Variants in CCDC91 observed in about 807,000 individuals in gnomAD.
The protein encoded by CCDC91 is coiled-coil domain-containing protein 91.
Under a neutral mutation model 63.2 loss-of-function variants are expected in CCDC91, and 48 were observed. The observed-to-expected ratio is 0.76, with a 90% confidence interval of 0.60 to 0.97. CCDC91 has a LOEUF of 0.97. CCDC91 is among the 50% of genes least tolerant of loss of function. CCDC91 has a pLI of 0.00. For missense variants in CCDC91, 500 were observed against 494.6 expected (o/e 1.01, Z -0.10); for synonymous variants, 167 against 165.8 (o/e 1.01, Z -0.06).
chr12:28,325,772 G>T (rs1940934041), intron 6 of CCDC91, among the ~76,000 whole-genome samples: 2 of 151,808 alleles, frequency 1.3e-5, no homozygotes, highest in South Asian at 4.1e-4. Flanking sequence ...ATAATGGGAG[G>T]TGAAGTTATT....
intron 1 of CCDC91, among the ~76,000 whole-genome samples, chr12:28,218,739 A>G (rs10771411): frequency 0.26 from 39,461 of 149,940 alleles, 5,387 homozygotes; most frequent in Non-Finnish European, 0.31. Context: ...GTATGTATGT[A>G]TGTGTGTGTG....
intron 3 of CCDC91, among the ~76,000 whole-genome samples, chr12:28,281,466 C>A (rs1423210455): frequency 6.6e-6 from 1 of 152,054 alleles, no homozygotes; most frequent in Non-Finnish European, 1.5e-5. Context: ...TTGAATCAGG[C>A]CATAATTATC....
intron 8 of CCDC91, among the ~76,000 whole-genome samples, chr12:28,432,901 G>A (rs1260869206): frequency 1.3e-5 from 2 of 152,060 alleles, no homozygotes; most frequent in African/African-American, 4.8e-5. Flanking sequence ...TCAAATGCTG[G>A]ATTTTGGCCA....
chr12:28,304,410 AAAAAAGAAAAAAAG>A (rs1938473371), intron 3 of CCDC91, among the ~76,000 whole-genome samples: 5 of 134,742 alleles, frequency 3.7e-5, no homozygotes, highest in Non-Finnish European at 8.3e-5. Flanking sequence ...AAGAAAAAAA[AAAAAAGAAAAAAAG>A]AAATGCCTAT....
chr12:28,363,876 G>GAAAAAA (rs34997286), intron 7 of CCDC91, among the ~76,000 whole-genome samples: 99 of 52,464 alleles, frequency 1.9e-3, no homozygotes, highest in South Asian at 5.2e-3. Context: ...GGCTCCATCT[G>GAAAAAA]AAAAAAAAAA....
intron 12 of CCDC91, among the ~76,000 whole-genome samples, chr12:28,537,753 G>A (rs1014028591): frequency 1.3e-5 from 2 of 152,162 alleles, no homozygotes; most frequent in African/African-American, 4.8e-5. Context: ...AAAGATATTT[G>A]TGATGACTGG....
chr12:28,474,436 T>TA (rs1950977003), intron 11 of CCDC91, among the ~76,000 whole-genome samples: 1 of 152,080 alleles, frequency 6.6e-6, no homozygotes, highest in Admixed American at 6.6e-5. Flanking sequence ...TATTCTAATC[T>TA]AGTGGATTGT....
chr12:28,254,188 A>G lies in CCDC91; in HGVS notation c.-14-3014A>G, dbSNP rs1946295594. Reference sequence around the variant, plus strand: ...GCAAAAAAAGAGATTAAATTTAGATATAAAGAAGTTTGAGAATTGTTAGAC... The same window carrying G: ...GCAAAAAAAGAGATTAAATTTAGATGTAAAGAAGTTTGAGAATTGTTAGAC... On this transcript the variant is annotated intron_variant, in intron 1 of 12. Coordinates refer to ENST00000536442, the MANE Select transcript of CCDC91 (RefSeq NM_018318.5). 2.0e-5 allele frequency among the ~76,000 whole-genome samples: 3 copies of G among 152,366 alleles called. No individual in the cohort carries two copies. The South Asian group carries it at 6.2e-4, about 32-fold the overall frequency.
chr12:28,364,336 C>A (rs548903525), intron 7 of CCDC91, among the ~76,000 whole-genome samples: 1 of 151,876 alleles, frequency 6.6e-6, no homozygotes, highest in East Asian at 1.9e-4. Context: ...TGCAGTGAGC[C>A]GAGATTGCGC....
intron 12 of CCDC91, among the ~76,000 whole-genome samples, chr12:28,530,529 C>A (rs1328985228): frequency 6.6e-6 from 1 of 152,130 alleles, no homozygotes; most frequent in African/African-American, 2.4e-5. Context: ...TTATTTTATA[C>A]CATTGAGTTT....
intron 8 of CCDC91, among the ~76,000 whole-genome samples, chr12:28,400,353 C>T (rs968166468): frequency 7.0e-6 from 1 of 143,040 alleles, no homozygotes. Context: ...CCCCCACCCC[C>T]ACCCCCACCC....
chr12:28,535,407 C>T (rs1357108642), intron 12 of CCDC91, among the ~76,000 whole-genome samples: 4 of 152,088 alleles, frequency 2.6e-5, no homozygotes, highest in Admixed American at 1.3e-4. Context: ...CCTTGCACAA[C>T]GCCATTTATT....
chr12:28,194,330 G>A (rs193019434), intron 1 of CCDC91, among the ~76,000 whole-genome samples: 1 of 152,214 alleles, frequency 6.6e-6, no homozygotes, highest in Admixed American at 6.5e-5. Context: ...TATTCTTACT[G>A]TGTCCAGAAT....
chr12:28,416,950 A>C (rs1351306023), intron 8 of CCDC91, among the ~76,000 whole-genome samples: 1 of 152,078 alleles, frequency 6.6e-6, no homozygotes, highest in East Asian at 1.9e-4. Flanking sequence ...TGACCTTTCA[A>C]TTTAGTTATG....
At chr12:28,480,931 G>A (rs926323003) in intron 11 of CCDC91, among the ~76,000 whole-genome samples, 1 of 151,968 alleles carries the variant, frequency 6.6e-6, no homozygotes, top group African/African-American at 2.4e-5. Context: ...AGATTTAATG[G>A]ATGCTAAAGC....
chr12:28,368,830 A>AAGAGAGAG (rs140061205), intron 7 of CCDC91, among the ~76,000 whole-genome samples: 1 of 148,630 alleles, frequency 6.7e-6, no homozygotes, highest in African/African-American at 2.5e-5. Flanking sequence ...GAGAGAGAGA[A>AAGAGAGAG]AGAGAGAGAG....
At chr12:28,410,089 G>A (rs1292367878) in intron 8 of CCDC91, among the ~76,000 whole-genome samples, 2 of 152,096 alleles carry the variant, frequency 1.3e-5, no homozygotes, top group African/African-American at 4.8e-5. Flanking sequence ...CTAATTTCCT[G>A]TGTACTTGTT....
At chr12:28,459,697 C>A (rs1214994547) in intron 11 of CCDC91, among the ~76,000 whole-genome samples, 2 of 152,072 alleles carry the variant, frequency 1.3e-5, no homozygotes, top group Non-Finnish European at 2.9e-5. Flanking sequence ...CTTTGAACGA[C>A]TAGTATATAT....
At chr12:28,230,407 T>C (rs1944513091) in intron 1 of CCDC91, among the ~76,000 whole-genome samples, 1 of 152,150 alleles carries the variant, frequency 6.6e-6, no homozygotes, top group Admixed American at 6.6e-5. Flanking sequence ...TAATATTAAA[T>C]AGTGGTATTT....
Sources: gnomAD v4.1 joint callset for allele counts (sites outside exome capture counted in the v4.1 genomes callset) on GRCh38, gnomAD v4.1.1 for gene constraint, MANE v1.5 for transcripts, NCBI Gene and HGNC (gene_info 2026-07-23, HGNC 2026-07-21) for gene names.